The following SGMS2 variants were observed in gnomAD, a reference collection of about 807,000 sequenced individuals.
SGMS2 encodes the protein sphingomyelin synthase 2.
Under a neutral mutation model 43.8 loss-of-function variants are expected in SGMS2, and 21 were observed. The observed-to-expected ratio is 0.48, with a 90% CI of 0.34 to 0.69. The LOEUF is 0.69. Ranked by LOEUF, SGMS2 falls within the 30% of genes least tolerant of loss-of-function variation. The pLI, the probability that SGMS2 is intolerant of heterozygous loss-of-function variation, is 0.01. For synonymous variants in SGMS2, 167 were observed against 160.6 expected, an observed-to-expected ratio of 1.04 and a Z score of -0.30; for missense variants, 384 against 443.2, an observed-to-expected ratio of 0.87 and a Z score of 1.20.
chr4:107,909,910 C>T (rs1310069458), intron 6 of SGMS2, among the ~76,000 whole-genome samples: 1 of 152,096 alleles, frequency 6.6e-6, no homozygotes, highest in African/African-American at 2.4e-5. Flanking sequence ...TGTAGTCTCC[C>T]ATTTCCATCT....
rs558609700 is a variant in SGMS2, at chr4:107,911,589, G to A, written c.*1036G>A. On this transcript the variant is annotated 3_prime_UTR_variant, in exon 7 of 7. Coordinates refer to ENST00000690982, the MANE Select transcript of SGMS2 (RefSeq NM_001375905.1). ...TGTACTTTATGGAAAAACCAAGATGGAACCTGAAAGTTAATGTATCCTTGC... is the reference window on the plus strand; with the variant it reads ...TGTACTTTATGGAAAAACCAAGATGAAACCTGAAAGTTAATGTATCCTTGC... 6.6e-6 allele frequency: 1 copy of A among 152,314 alleles called. No individual in the cohort carries two copies. Among genetic ancestry groups the A allele is most frequent in the African/African-American group, 2.4e-5 (1 of 41,568 alleles). The allele number at this position is 152,314 out of a possible 1,614,324, so 9.4% of individuals were successfully genotyped here.
chr4:107,841,410 G>A (rs540703419), intron 1 of SGMS2, among the ~76,000 whole-genome samples: 1 of 151,810 alleles, frequency 6.6e-6, no homozygotes, highest in Non-Finnish European at 1.5e-5. Flanking sequence ...TAATGCCTTT[G>A]GAAGACTACA....
intron 2 of SGMS2, among the ~76,000 whole-genome samples, chr4:107,890,603 A>T (rs894416628): frequency 7.0e-6 from 1 of 143,550 alleles, no homozygotes; most frequent in South Asian, 2.6e-4. Flanking sequence ...TGAATCCAGG[A>T]GGTGGAGGTT....
intron 1 of SGMS2, among the ~76,000 whole-genome samples, chr4:107,852,647 C>T (rs1298781881): frequency 6.6e-6 from 1 of 152,132 alleles, no homozygotes; most frequent in Non-Finnish European, 1.5e-5. Context: ...CACCTCTTAT[C>T]ATTCCCCACT....
intron 1 of SGMS2, among the ~76,000 whole-genome samples, chr4:107,855,162 T>TTTA (rs1464905250): frequency 6.6e-6 from 1 of 152,166 alleles, no homozygotes; most frequent in African/African-American, 2.4e-5. Flanking sequence ...TTCTGATGTC[T>TTTA]TTATTAGTAT....
intron 1 of SGMS2, among the ~76,000 whole-genome samples, chr4:107,837,003 G>T (rs1726223188): frequency 6.6e-6 from 1 of 152,216 alleles, no homozygotes; most frequent in African/African-American, 2.4e-5. Flanking sequence ...GGTTGCCTTG[G>T]ATTTCATAAA....
chr4:107,910,433 A>G lies in SGMS2; in HGVS notation c.978A>G (p.Gln326=). ...PIFYFFEKNV[Q]GSIPCCFSWP... Reference sequence around the variant, plus strand: ...TTTATTTTTTTGAGAAAAATGTACAAGGCTCAATTCCTTGCTGCTTCTCCT... The same window carrying G: ...TTTATTTTTTTGAGAAAAATGTACAGGGCTCAATTCCTTGCTGCTTCTCCT... Residue 326 remains glutamine (Q), a synonymous_variant, in exon 7 of 7, where the codon CAA becomes CAG. Coordinates refer to ENST00000690982, the MANE Select transcript of SGMS2 (RefSeq NM_001375905.1). 2 of 1,614,052 alleles carry G rather than the reference A, an allele frequency of 1.2e-6. No homozygotes were observed. Among genetic ancestry groups the G allele is most frequent in the Non-Finnish European group, 8.5e-7 (1 of 1,179,982 alleles).
chr4:107,881,500 A>G (rs1729353760), intron 2 of SGMS2, among the ~76,000 whole-genome samples: 1 of 151,776 alleles, frequency 6.6e-6, no homozygotes, highest in East Asian at 1.9e-4. Context: ...AGGTGTATAT[A>G]TTTATGGGGT....
At position 107,875,964 on chromosome 4, in the gene SGMS2, A is replaced by G. The variant is rs139368714; in HGVS notation, c.-245+17411A>G. Among the ~76,000 whole-genome samples the G allele has an allele frequency of 2.8e-4, 43 of 152,256 alleles. 1 individual carries two copies. Among genetic ancestry groups the G allele is most frequent in the African/African-American group, 9.4e-4 (39 of 41,554 alleles). Reference sequence around the variant, plus strand: ...TAGCCCTCATGCTCCCCACTCCACAATGCCCCATACTAAGGCCTGGTAAAT... The same window carrying G: ...TAGCCCTCATGCTCCCCACTCCACAGTGCCCCATACTAAGGCCTGGTAAAT... On this transcript the variant is annotated intron_variant, in intron 2 of 6. Coordinates refer to ENST00000690982, the MANE Select transcript of SGMS2 (RefSeq NM_001375905.1).
chr4:107,890,393 C>A lies in SGMS2; in HGVS notation c.-244-4917C>A, dbSNP rs145166319. On this transcript the variant is annotated intron_variant, in intron 2 of 6. Coordinates refer to ENST00000690982, the MANE Select transcript of SGMS2 (RefSeq NM_001375905.1). ...GAGAAGAAAAAATTTAAAAAACGGG[C>A]GCTAGGCATGGTGGTTCACATCTAT... Among the ~76,000 whole-genome samples, 11 of 152,036 alleles carry A rather than the reference C, an allele frequency of 7.2e-5. No individual in the cohort carries two copies. The East Asian group carries it at 2.1e-3, about 29-fold the overall frequency.
intron 1 of SGMS2, among the ~76,000 whole-genome samples, chr4:107,826,354 A>G (rs1340102295): frequency 2.6e-5 from 4 of 152,224 alleles, no homozygotes; most frequent in African/African-American, 7.2e-5. Context: ...TCCTTTGGCA[A>G]GTTCCTTAGA....
chr4:107,881,713 A>C (rs1729368203), intron 2 of SGMS2, among the ~76,000 whole-genome samples: 1 of 152,038 alleles, frequency 6.6e-6, no homozygotes, highest in African/African-American at 2.4e-5. Flanking sequence ...ATTCTATCTA[A>C]CTATATTTTT....
chr4:107,899,582 G>A lies in SGMS2; in HGVS notation c.463G>A (p.Val155Met). 1 of 1,608,860 alleles carries A rather than the reference G, an allele frequency of 6.2e-7. No individual in the cohort carries two copies. The highest frequency in any genetic ancestry group is 8.5e-7 in the Non-Finnish European group (1 of 1,177,918). ...CCCTATTTTTTCTTTTAGGTCAATA[G>A]TGGGACGCAGATTCTGTTTTATTAT... ...QWLFLRYKSIVGRRFCFIIGT... is the reference protein window; with the variant it reads ...QWLFLRYKSIMGRRFCFIIGT... Residue 155 changes from valine (V) to methionine (M), a missense_variant, in exon 4 of 7, where the codon GTG becomes ATG. By Grantham distance (21) the Val-to-Met change is conservative. Coordinates refer to ENST00000690982, the MANE Select transcript of SGMS2 (RefSeq NM_001375905.1).
intron 1 of SGMS2, among the ~76,000 whole-genome samples, chr4:107,838,422 ACTT>A (rs3079219): frequency 0.016 from 2,463 of 151,746 alleles, 71 homozygotes; most frequent in African/African-American, 0.056. Flanking sequence ...GGGCTAGAGG[ACTT>A]CTTCTTCTTC....
intron 1 of SGMS2, among the ~76,000 whole-genome samples, chr4:107,826,910 C>T (rs187196507): frequency 6.6e-6 from 1 of 152,338 alleles, no homozygotes; most frequent in Non-Finnish European, 1.5e-5. Context: ...GATCTGGGAG[C>T]TGTCCTACGA....
At chr4:107,854,902 G>A (rs1418028023) in intron 1 of SGMS2, among the ~76,000 whole-genome samples, 1 of 152,090 alleles carries the variant, frequency 6.6e-6, no homozygotes, top group African/African-American at 2.4e-5. Context: ...TTAAAGTTAA[G>A]TGTCAAATGC....
intron 6 of SGMS2, 46 bp downstream of exon 6, chr4:107,908,777 A>G (rs1168962891): frequency 6.4e-7 from 1 of 1,556,574 alleles, no homozygotes; most frequent in South Asian, 1.2e-5. Context: ...CTTTGAATGC[A>G]GTGGACCCTT....
intron 1 of SGMS2, among the ~76,000 whole-genome samples, chr4:107,834,812 G>C (rs917025950): frequency 1.3e-5 from 2 of 152,172 alleles, no homozygotes; most frequent in Non-Finnish European, 2.9e-5. Context: ...CAAGGTGGGA[G>C]GATCACTTAA....
At chr4:107,892,023 C>T (rs1730260139) in intron 2 of SGMS2, among the ~76,000 whole-genome samples, 1 of 151,626 alleles carries the variant, frequency 6.6e-6, no homozygotes, top group African/African-American at 2.4e-5. Context: ...TCTCGGGCTG[C>T]TTTCTGTTAG....
Sources: gnomAD v4.1 joint callset for allele counts (sites outside exome capture counted in the v4.1 genomes callset) on GRCh38, gnomAD v4.1.1 for gene constraint, MANE v1.5 for transcripts, NCBI Gene and HGNC (gene_info 2026-07-23, HGNC 2026-07-21) for gene names.